Variants in HIVEP2 observed in about 807,000 individuals in gnomAD.
HIVEP2 encodes the protein transcription factor HIVEP2.
Under a neutral mutation model 180.7 loss-of-function variants are expected in HIVEP2, and 14 were observed. The ratio of observed to expected loss-of-function variants is 0.08; its 90% CI spans 0.05 to 0.12. HIVEP2 has a LOEUF of 0.12. HIVEP2 is among the 10% of genes least tolerant of loss of function. The pLI is 1.00. For synonymous variants in HIVEP2, 1,184 were observed against 1,136.4 expected, an observed-to-expected ratio of 1.04 and a Z score of -0.84; for missense variants, 2,579 against 3,008.5, an observed-to-expected ratio of 0.86 and a Z score of 3.34.
At chr6:142,916,500 C>T (rs751679006) in intron 1 of HIVEP2, among the ~76,000 whole-genome samples, 2 of 152,178 alleles carry the variant, frequency 1.3e-5, no homozygotes, top group Non-Finnish European at 2.9e-5. Context: ...TGTGCCCTAG[C>T]TGTTCCCTCC....
At chr6:142,829,468 G>A (rs539870030) in intron 2 of HIVEP2, among the ~76,000 whole-genome samples, 2 of 152,202 alleles carry the variant, frequency 1.3e-5, no homozygotes, top group East Asian at 1.9e-4. Context: ...AAATTGATAC[G>A]ATTTCTTTCT....
chr6:142,778,115 A>G (rs890960039), intron 3 of HIVEP2, among the ~76,000 whole-genome samples: 2 of 152,266 alleles, frequency 1.3e-5, no homozygotes, highest in African/African-American at 2.4e-5. Context: ...GCAGCAGTCA[A>G]AATACTAAAC....
At chr6:142,818,463 G>C (rs941422262) in intron 2 of HIVEP2, among the ~76,000 whole-genome samples, 8 of 151,984 alleles carry the variant, frequency 5.3e-5, no homozygotes, top group Non-Finnish European at 8.8e-5. Context: ...GATCACTTGA[G>C]GTCAGGAGTT....
Position 142,785,309 on chromosome 6 carries a change from C to CAAAAAAA in HIVEP2, c.-527-1701_-527-1695dup, listed in dbSNP as rs57458259. Among the ~76,000 whole-genome samples, 75 of 65,380 alleles carry CAAAAAAA rather than the reference C, an allele frequency of 1.1e-3. 6 individuals carry two copies. The highest frequency in any genetic ancestry group is 2.0e-3 in the East Asian group (3 of 1,526). 42.9% of individuals were successfully genotyped at this position (65,380 alleles called of 152,430 possible). ...GGCTAAAGTAAAGCATGGCATTCCT[C>CAAAAAAA]AAAAAAAAAAAAAAAAAAAAAAAAA... On this transcript the variant is annotated intron_variant, in intron 2 of 9. Coordinates refer to ENST00000367603, the MANE Select transcript of HIVEP2 (RefSeq NM_006734.4).
chr6:142,898,111 G>GATCT (rs1582950450), intron 1 of HIVEP2, among the ~76,000 whole-genome samples: 2 of 152,142 alleles, frequency 1.3e-5, no homozygotes, highest in African/African-American at 4.8e-5. Context: ...TCTGCCTATA[G>GATCT]ACACTGCAGT....
At chr6:142,885,051 C>T (rs924530092) in intron 1 of HIVEP2, among the ~76,000 whole-genome samples, 3 of 152,148 alleles carry the variant, frequency 2.0e-5, no homozygotes, top group African/African-American at 7.2e-5. Context: ...TTCAAAATCT[C>T]TGTTTTTATA....
upstream of HIVEP2, among the ~76,000 whole-genome samples, chr6:142,945,596 A>G (rs1206178182): frequency 1.3e-5 from 2 of 152,138 alleles, no homozygotes; most frequent in African/African-American, 4.8e-5. The surrounding 1 kb of genome is among the most constrained non-coding windows in gnomAD (Gnocchi z 5.5). Flanking sequence ...CGAGACGTGG[A>G]GGAACGCTGT....
At chr6:142,758,408 T>G (rs547116435) in intron 9 of HIVEP2, among the ~76,000 whole-genome samples, 1 of 152,088 alleles carries the variant, frequency 6.6e-6, no homozygotes, top group African/African-American at 2.4e-5. Context: ...TGGAAGGTGA[T>G]GAGAGGGAGA....
Position 142,774,496 on chromosome 6 carries a change from C to G in HIVEP2, c.243G>C (p.Glu81Asp), listed in dbSNP as rs62430681. ...SPSEVVQQVA[E>D]KQYPPHRPSP... Reference sequence around the variant, plus strand: ...TCGGACGATGCGGTGGATATTGCTTCTCTGCGACTTGCTGCACCACTTCAC... The same window carrying G: ...TCGGACGATGCGGTGGATATTGCTTGTCTGCGACTTGCTGCACCACTTCAC... Residue 81 changes from glutamate to aspartate, a missense_variant, in exon 5 of 10, where the codon GAG (glutamate) becomes GAC (aspartate). Physicochemically the swap from Glu to Asp is conservative, Grantham distance 45. This residue lies in a region of HIVEP2 where 207 missense variants were observed against 210.1 expected (regional missense o/e 0.99). Transcript: ENST00000367603. The surrounding 1 kb of genome is among the most constrained non-coding windows in gnomAD (Gnocchi z 5.1). 28,503 of 1,614,144 alleles carry G rather than the reference C, an allele frequency of 0.018. 470 individuals carry two copies. Among genetic ancestry groups the G allele is most frequent in the Non-Finnish European group, 0.018 (21,263 of 1,180,036 alleles).
intron 1 of HIVEP2, among the ~76,000 whole-genome samples, chr6:142,940,234 GTTAACTGGAGCACCAAATAAGTATTT>G (rs1006996196): frequency 6.6e-6 from 1 of 152,150 alleles, no homozygotes; most frequent in Non-Finnish European, 1.5e-5. Context: ...GGCTATTTTT[GTTAACTGGAGCACCAAATAAGTATTT>G]TTAGAACTTA....
intron 1 of HIVEP2, among the ~76,000 whole-genome samples, chr6:142,838,556 A>G (rs1393539457): frequency 1.3e-5 from 2 of 152,154 alleles, no homozygotes; most frequent in African/African-American, 4.8e-5. Context: ...TGCAAAAGTT[A>G]CAAAGCCTCT....
At chr6:142,927,017 G>A (rs1777833866) in intron 1 of HIVEP2, among the ~76,000 whole-genome samples, 2 of 151,240 alleles carry the variant, frequency 1.3e-5, no homozygotes, top group Admixed American at 1.3e-4. Context: ...CGGCGCGGCG[G>A]CGCGGGGCGG....
At chr6:142,814,591 A>C (rs1776785804) in intron 2 of HIVEP2, among the ~76,000 whole-genome samples, 1 of 152,170 alleles carries the variant, frequency 6.6e-6, no homozygotes, top group South Asian at 2.1e-4. Context: ...TGAGAAGGTG[A>C]GAAAGGAGTG....
chr6:142,805,755 G>A (rs1776532693), intron 2 of HIVEP2, among the ~76,000 whole-genome samples: 1 of 152,022 alleles, frequency 6.6e-6, no homozygotes. Context: ...ATTTTATAAT[G>A]CCACCTACCA....
intron 3 of HIVEP2, among the ~76,000 whole-genome samples, chr6:142,783,003 T>A (rs1775893945): frequency 6.6e-6 from 1 of 152,226 alleles, no homozygotes; most frequent in Non-Finnish European, 1.5e-5. Context: ...CAGAAATAAA[T>A]TCTGTCGAAT....
intron 1 of HIVEP2, among the ~76,000 whole-genome samples, chr6:142,843,978 A>G (rs1016310115): frequency 6.6e-6 from 1 of 152,102 alleles, no homozygotes; most frequent in Non-Finnish European, 1.5e-5. Context: ...CGAGTACTTG[A>G]ATTTTACTTT....
intron 2 of HIVEP2, among the ~76,000 whole-genome samples, chr6:142,788,895 AACGAC>A (rs1776071813): frequency 6.6e-6 from 1 of 152,240 alleles, no homozygotes; most frequent in African/African-American, 2.4e-5. Context: ...TTCTAGATGT[AACGAC>A]ACTGAACTTA....
chr6:142,881,494 T>C (rs1346565691), intron 1 of HIVEP2, among the ~76,000 whole-genome samples: 1 of 152,170 alleles, frequency 6.6e-6, no homozygotes, highest in Non-Finnish European at 1.5e-5. Context: ...TACATTCCTG[T>C]GCATCCTTTA....
chr6:142,889,496 G>T (rs954605299), intron 1 of HIVEP2, among the ~76,000 whole-genome samples: 1 of 152,112 alleles, frequency 6.6e-6, no homozygotes, highest in Non-Finnish European at 1.5e-5. Context: ...CAAAACTCCT[G>T]ATGTGGTCTA....
Sources: allele counts gnomAD v4.1 joint callset (sites outside exome capture counted in the v4.1 genomes callset), GRCh38; gene constraint gnomAD v4.1.1; regional missense constraint gnomAD v4.1.1; non-coding constraint Gnocchi (gnomAD v3.1); transcripts MANE v1.5; gene names NCBI Gene and HGNC (gene_info 2026-07-23, HGNC 2026-07-21).